ZC3H18: variants seen among roughly 807,000 people sequenced by gnomAD.
The protein encoded by ZC3H18 is zinc finger CCCH-type containing 18, also known as zinc finger CCCH domain-containing protein 18.
Under a neutral mutation model 106.1 loss-of-function variants are expected in ZC3H18, and 8 were observed. The ratio of observed to expected loss-of-function variants is 0.08; its 90% CI spans 0.04 to 0.14. The LOEUF is 0.14. Ranked by LOEUF, ZC3H18 falls within the 10% of genes least tolerant of loss-of-function variation. The pLI is 1.00. For synonymous variants in ZC3H18, 635 were observed against 522.1 expected (o/e 1.22, Z -2.95); for missense variants, 1,318 against 1,278.4 (o/e 1.03, Z -0.47).
intron 8 of ZC3H18, among the ~76,000 whole-genome samples, chr16:88,617,005 G>A (rs1905652676): frequency 6.6e-6 from 1 of 152,166 alleles, no homozygotes; most frequent in Non-Finnish European, 1.5e-5. Context: ...GCGAGAGTCG[G>A]CCACTGTTTG....
intron 6 of ZC3H18, among the ~76,000 whole-genome samples, chr16:88,603,313 A>C (rs1386625095): frequency 2.0e-5 from 3 of 151,264 alleles, no homozygotes; most frequent in Non-Finnish European, 4.4e-5. Flanking sequence ...ACCTAGCAGG[A>C]TCACTTAGTA....
chr16:88,584,085 G>A lies in ZC3H18; in HGVS notation c.604-2515G>A, dbSNP rs1915298139. 2.0e-5 allele frequency among the ~76,000 whole-genome samples: 3 copies of A among 152,106 alleles called. No individual in the cohort carries two copies. The South Asian group carries it at 6.2e-4, about 32-fold the overall frequency. On this transcript the variant is annotated intron_variant, in intron 2 of 17. Transcript: ENST00000301011. ...AGTGATTTGTTTATTTATTTTGGGA[G>A]GTTAAATATTTTGTTATTTACACAT...
chr16:88,584,676 G>A (rs1915333116), intron 2 of ZC3H18, among the ~76,000 whole-genome samples: 1 of 152,154 alleles, frequency 6.6e-6, no homozygotes, highest in South Asian at 2.1e-4. Flanking sequence ...TTGAAATGAT[G>A]TCTCGCACCT....
At chr16:88,575,151 T>C (rs1391523300) in intron 1 of ZC3H18, among the ~76,000 whole-genome samples, 1 of 143,124 alleles carries the variant, frequency 7.0e-6, no homozygotes, top group South Asian at 2.2e-4. Context: ...TTAATCTTAA[T>C]GATTTCCATT....
chr16:88,625,306 C>G (rs775531904), intron 13 of ZC3H18, 39 bp downstream of exon 13: 5 of 1,559,014 alleles, frequency 3.2e-6, no homozygotes, highest in African/African-American at 2.7e-5. Flanking sequence ...TCTCCCTCCC[C>G]GTCGGGGCCA....
chr16:88,630,531 A>G lies in ZC3H18; in HGVS notation c.2613A>G (p.Pro871=). The G allele has an allele frequency of 6.2e-7, 1 of 1,612,902 alleles. No homozygotes were observed. The highest frequency in any genetic ancestry group is 8.5e-7 in the Non-Finnish European group (1 of 1,179,824). ...GTGGGAGACTGGGCTCCCCGAAGCC[A>G]GAGCGGCAGAGAGGCCAGAACTCCA... ...KSGGRLGSPK[P]ERQRGQNSKA... is the part of the protein sequence containing the mutation. Residue 871 remains proline, a synonymous_variant, in exon 17 of 18, where the codon CCA becomes CCG. Transcript: ENST00000301011.
chr16:88,616,382 GGCTGCCCTCAGCCCCTTCTCGGA>G (rs1567594845), intron 8 of ZC3H18, among the ~76,000 whole-genome samples: 1 of 152,178 alleles, frequency 6.6e-6, no homozygotes, highest in African/African-American at 2.4e-5. Context: ...GTGCTCCTGG[GGCTGCCCTCAGCCCCTTCTCGGA>G]GCTGCCAGCA....
chr16:88,589,438 C>G (rs1345861933), intron 3 of ZC3H18, among the ~76,000 whole-genome samples: 3 of 152,212 alleles, frequency 2.0e-5, no homozygotes, highest in Non-Finnish European at 4.4e-5. Context: ...AATGGATAAA[C>G]AAGTGTGGCC....
intron 8 of ZC3H18, among the ~76,000 whole-genome samples, chr16:88,615,543 T>C (rs148519986): frequency 9.9e-4 from 151 of 152,322 alleles, no homozygotes; most frequent in African/African-American, 3.3e-3. Context: ...TCATAATTGA[T>C]TGTTACAGGG....
Position 88,590,564 on chromosome 16 carries a change from C to CTTTTTTTTTTTTTTTTTT in ZC3H18, c.688+3896_688+3897insTTTTTTTTTTTTTTTTTT, listed in dbSNP as rs57632461. On this transcript the variant is annotated intron_variant, in intron 3 of 17. Transcript: ENST00000301011. The stretch of plus-strand genomic sequence containing the variant: ...TGTCCCACTTTGGGTTTCTTTATTT[C>CTTTTTTTTTTTTTTTTTT]TTTTTTTTTTTTTTTTGAGACAGTG... Among the ~76,000 whole-genome samples, 252 of 100,636 alleles carry CTTTTTTTTTTTTTTTTTT rather than the reference C, an allele frequency of 2.5e-3. 10 individuals are homozygous for CTTTTTTTTTTTTTTTTTT. The highest frequency in any genetic ancestry group is 2.8e-3 in the African/African-American group (73 of 26,078). 66.0% of individuals were successfully genotyped at this position (100,636 alleles called of 152,430 possible).
At chr16:88,603,925 G>T (rs1904880762) in intron 6 of ZC3H18, among the ~76,000 whole-genome samples, 1 of 151,614 alleles carries the variant, frequency 6.6e-6, no homozygotes, top group African/African-American at 2.4e-5. Flanking sequence ...GAGCCACCGT[G>T]CCCAGCCCCA....
At chr16:88,585,231 C>A (rs1915367535) in intron 2 of ZC3H18, among the ~76,000 whole-genome samples, 1 of 152,166 alleles carries the variant, frequency 6.6e-6, no homozygotes, top group African/African-American at 2.4e-5. Flanking sequence ...GGAATCTGTT[C>A]TTTTCCTTAT....
At chr16:88,629,438 TG>T (rs1238881849) in intron 16 of ZC3H18, among the ~76,000 whole-genome samples, 1 of 152,242 alleles carries the variant, frequency 6.6e-6, no homozygotes, top group Non-Finnish European at 1.5e-5. Flanking sequence ...ATTGCACCAT[TG>T]CACTGCAGCT....
intron 3 of ZC3H18, among the ~76,000 whole-genome samples, chr16:88,588,790 A>G (rs1054769240): frequency 6.6e-6 from 1 of 151,886 alleles, no homozygotes; most frequent in Non-Finnish European, 1.5e-5. Context: ...GGGGGCTGAC[A>G]GGGGCAGATC....
chr16:88,600,013 A>G, intron 6 of ZC3H18, 65 bp downstream of exon 6: 1 of 1,581,062 alleles, frequency 6.3e-7, no homozygotes, highest in African/African-American at 1.3e-5. Flanking sequence ...CGGAGAGAGC[A>G]GCCATGTGCA....
At chr16:88,582,412 A>G (rs1007564035) in intron 2 of ZC3H18, among the ~76,000 whole-genome samples, 3 of 151,692 alleles carry the variant, frequency 2.0e-5, no homozygotes, top group Non-Finnish European at 4.4e-5. Context: ...TTTAGTAGAA[A>G]TGGGTTTCAC....
At chr16:88,614,995 G>GC (rs1190982162) in intron 8 of ZC3H18, among the ~76,000 whole-genome samples, 1 of 149,894 alleles carries the variant, frequency 6.7e-6, no homozygotes, top group Non-Finnish European at 1.5e-5. Context: ...CAGATGGGCT[G>GC]CCCCCACCTC....
intron 2 of ZC3H18, among the ~76,000 whole-genome samples, chr16:88,585,565 A>G (rs1915385904): frequency 6.6e-6 from 1 of 152,236 alleles, no homozygotes; most frequent in Non-Finnish European, 1.5e-5. Flanking sequence ...GGGGGAGCTC[A>G]GGGAAGGCCA....
chr16:88,575,364 G>C (rs1914681112), intron 1 of ZC3H18, among the ~76,000 whole-genome samples: 1 of 152,018 alleles, frequency 6.6e-6, no homozygotes, highest in Admixed American at 6.6e-5. Flanking sequence ...TGAATAATCT[G>C]TTTCCAGACC....
Sources: allele counts gnomAD v4.1 joint callset (sites outside exome capture counted in the v4.1 genomes callset), GRCh38; gene constraint gnomAD v4.1.1; transcripts MANE v1.5; gene names NCBI Gene and HGNC (gene_info 2026-07-23, HGNC 2026-07-21).